Variants in MSRB3 observed in about 807,000 individuals in gnomAD.
MSRB3 encodes the protein methionine-R-sulfoxide reductase B3.
A neutral mutation model predicts 21.0 loss-of-function variants in MSRB3; 13 were observed. That is an observed-to-expected ratio of 0.62 (90% CI 0.40 to 0.98). The LOEUF (loss-of-function observed/expected upper bound fraction) is 0.98, where lower values mean the gene tolerates loss of function less well. Ranked by LOEUF, MSRB3 falls within the 50% of genes least tolerant of loss-of-function variation. The pLI, the probability that MSRB3 is intolerant of heterozygous loss-of-function variation, is 0.00. For synonymous variants in MSRB3, 87 were observed against 88.6 expected, an observed-to-expected ratio of 0.98 and a Z score of 0.10; for missense variants, 199 against 230.3, an observed-to-expected ratio of 0.86 and a Z score of 0.88.
At chr12:65,430,923 CCT>C (rs1881847666) in intron 5 of MSRB3, among the ~76,000 whole-genome samples, 1 of 151,994 alleles carries the variant, frequency 6.6e-6, no homozygotes, top group Admixed American at 6.6e-5. Context: ...TTAGTTTTAC[CCT>C]GAGAGGAAAA....
intron 5 of MSRB3, among the ~76,000 whole-genome samples, chr12:65,406,641 A>T (rs1031359865): frequency 1.3e-5 from 2 of 152,220 alleles, no homozygotes; most frequent in Non-Finnish European, 2.9e-5. Context: ...AGCAATCTTG[A>T]GCAAAAGGAA....
chr12:65,281,112 T>C (rs1051039329), intron 1 of MSRB3, among the ~76,000 whole-genome samples: 54 of 152,086 alleles, frequency 3.6e-4, no homozygotes, highest in African/African-American at 1.2e-3. Context: ...TCCTGTGGTC[T>C]CAGCTACTTG....
chr12:65,366,743 T>C (rs952728213), intron 4 of MSRB3, among the ~76,000 whole-genome samples: 2 of 152,178 alleles, frequency 1.3e-5, no homozygotes, highest in Admixed American at 1.3e-4. Flanking sequence ...TTTGGAAATA[T>C]GGGTCAAGAT....
Position 65,328,369 on chromosome 12 carries a change from T to C in MSRB3, c.186-157T>C, listed in dbSNP as rs564520344. Among the ~76,000 whole-genome samples the C allele has an allele frequency of 2.6e-5, 4 of 152,308 alleles. No homozygotes were observed. The South Asian group carries it at 8.3e-4, about 32-fold the overall frequency. ...CACATTTTATTATATAGATTTGAAA[T>C]ATATTAGTAAAGTTCAGATTTCCAT... On this transcript the variant is annotated intron_variant, in intron 3 of 6. Coordinates refer to ENST00000308259, the MANE Select transcript of MSRB3 (RefSeq NM_001031679.3).
At chr12:65,317,598 A>G (rs6581626) in intron 2 of MSRB3, among the ~76,000 whole-genome samples, 91,772 of 151,968 alleles carry the variant, frequency 0.6, 28,613 homozygotes, top group African/African-American at 0.77. Context: ...ATGCATTTTG[A>G]GGAATGCTGG....
At chr12:65,313,446 C>T (rs1036487237) in intron 2 of MSRB3, among the ~76,000 whole-genome samples, 1 of 152,010 alleles carries the variant, frequency 6.6e-6, no homozygotes, top group African/African-American at 2.4e-5. Context: ...TATGGACAAC[C>T]TACATAGTGC....
intron 4 of MSRB3, 66 bp downstream of exon 4, chr12:65,328,669 T>C (rs1875216236): frequency 9.4e-7 from 1 of 1,068,068 alleles, no homozygotes; most frequent in African/African-American, 1.6e-5. Flanking sequence ...TTATTGCTTT[T>C]TCATCTTAGA....
At chr12:65,409,554 A>C (rs1165244876) in intron 5 of MSRB3, among the ~76,000 whole-genome samples, 1 of 152,150 alleles carries the variant, frequency 6.6e-6, no homozygotes, top group Non-Finnish European at 1.5e-5. Context: ...TTGTTGACTG[A>C]AATGTCATTA....
At chr12:65,363,514 C>G (rs1039430954) in intron 4 of MSRB3, among the ~76,000 whole-genome samples, 1 of 152,078 alleles carries the variant, frequency 6.6e-6, no homozygotes, top group Admixed American at 6.6e-5. Context: ...TCATGATACT[C>G]GAATTCTCCT....
At chr12:65,426,108 C>T (rs556897383) in intron 5 of MSRB3, among the ~76,000 whole-genome samples, 7 of 152,190 alleles carry the variant, frequency 4.6e-5, no homozygotes, top group South Asian at 2.1e-4. Flanking sequence ...TCTGCCCGCC[C>T]GCCTCAGCCT....
intron 5 of MSRB3, among the ~76,000 whole-genome samples, chr12:65,390,621 C>A (rs988408663): frequency 6.6e-6 from 1 of 152,042 alleles, no homozygotes; most frequent in Non-Finnish European, 1.5e-5. Context: ...ACCAGTAATT[C>A]CACTTTGGGA....
intron 2 of MSRB3, among the ~76,000 whole-genome samples, chr12:65,325,272 A>G (rs1227451702): frequency 6.6e-6 from 1 of 152,224 alleles, no homozygotes; most frequent in Non-Finnish European, 1.5e-5. Flanking sequence ...GTATTTGGAT[A>G]AAGCCTAGGA....
At chr12:65,396,399 G>T (rs2136590138) in intron 5 of MSRB3, among the ~76,000 whole-genome samples, 1 of 152,280 alleles carries the variant, frequency 6.6e-6, no homozygotes, top group East Asian at 1.9e-4. Context: ...TAGTTAAGAT[G>T]TGTTTTATGG....
At chr12:65,309,923 A>G (rs1873888347) in intron 2 of MSRB3, among the ~76,000 whole-genome samples, 1 of 152,174 alleles carries the variant, frequency 6.6e-6, no homozygotes, top group South Asian at 2.1e-4. Context: ...GAAGCACTTT[A>G]TATGATGTTT....
rs535484470 is a variant in MSRB3 at position 65,384,133 on chromosome 12, A to G, written c.292+15107A>G. Among the ~76,000 whole-genome samples the G allele has an allele frequency of 9.2e-5, 14 of 152,362 alleles. No homozygotes were observed. In the South Asian group the frequency reaches 1.4e-3, roughly 16 times the overall value. On this transcript the variant is annotated intron_variant, in intron 5 of 6. Coordinates refer to ENST00000308259, the MANE Select transcript of MSRB3 (RefSeq NM_001031679.3). ...AAGAAATAATATTTTATGCATTTTC[A>G]AAGTACTTTAATTTATTTTGTAGAA... is the stretch of plus-strand genomic sequence containing the variant.
In MSRB3 at chr12:65,288,915, C is replaced by T. The variant is rs139128370; in HGVS notation, c.-52+10050C>T. ...TGTAAAATTCACTTATAAGATTTGT[C>T]CTTTTTATGAGAGAATATTTTATAC... On this transcript the variant is annotated intron_variant, in intron 1 of 6. Coordinates refer to ENST00000308259, the MANE Select transcript of MSRB3 (RefSeq NM_001031679.3). 9.5e-4 allele frequency among the ~76,000 whole-genome samples: 145 copies of T among 152,100 alleles called. 1 individual carries two copies. Among genetic ancestry groups the T allele is most frequent in the African/African-American group, 3.4e-3 (140 of 41,478 alleles).
rs371642298 is a variant in MSRB3, at chr12:65,352,997, C to T, written c.264-16001C>T. 9.9e-5 allele frequency among the ~76,000 whole-genome samples: 15 copies of T among 152,002 alleles called. No individual in the cohort carries two copies. In the South Asian group the frequency reaches 1.7e-3, roughly 17 times the overall value. Reference sequence around the variant, plus strand: ...TTCATATGGAACCAAAAAAAAAGCCCGCATCGCCAAGGCAATCCTAAGCCA... The same window carrying T: ...TTCATATGGAACCAAAAAAAAAGCCTGCATCGCCAAGGCAATCCTAAGCCA... On this transcript the variant is annotated intron_variant, in intron 4 of 6. Coordinates refer to ENST00000308259, the MANE Select transcript of MSRB3 (RefSeq NM_001031679.3).
chr12:65,352,928 T>C (rs559680379), intron 4 of MSRB3, among the ~76,000 whole-genome samples: 2 of 151,902 alleles, frequency 1.3e-5, no homozygotes, highest in Non-Finnish European at 2.9e-5. Context: ...CCCATAAAGC[T>C]ACCAATGACT....
At chr12:65,433,183 C>T (rs1881964658) in intron 5 of MSRB3, among the ~76,000 whole-genome samples, 1 of 151,876 alleles carries the variant, frequency 6.6e-6, no homozygotes, top group African/African-American at 2.4e-5. Flanking sequence ...GTGTTTATAG[C>T]AGCATTATTC....
Sources: gnomAD v4.1 joint callset for allele counts (sites outside exome capture counted in the v4.1 genomes callset) on GRCh38, gnomAD v4.1.1 for gene constraint, MANE v1.5 for transcripts, NCBI Gene and HGNC (gene_info 2026-07-23, HGNC 2026-07-21) for gene names.